Variants in UBE2QL1 observed in about 807,000 individuals in gnomAD.
UBE2QL1 encodes the protein ubiquitin-conjugating enzyme E2Q-like protein 1.
Under a neutral mutation model 12.6 loss-of-function variants are expected in UBE2QL1, and 5 were observed. The ratio of observed to expected loss-of-function variants is 0.40; its 90% CI spans 0.21 to 0.83. The LOEUF (loss-of-function observed/expected upper bound fraction) is 0.83, where lower values mean the gene tolerates loss of function less well. UBE2QL1 is among the 40% of genes least tolerant of loss of function. UBE2QL1 has a pLI of 0.37. For synonymous variants in UBE2QL1, 96 were observed against 94.5 expected (o/e 1.02, Z -0.10); for missense variants, 99 against 222.6 (o/e 0.44, Z 3.53).
intron 1 of UBE2QL1, among the ~76,000 whole-genome samples, chr5:6,464,307 C>T (rs547160012): frequency 6.6e-6 from 1 of 152,246 alleles, no homozygotes; most frequent in South Asian, 2.1e-4. Flanking sequence ...GCAGTAGGAA[C>T]AATGAAACTA....
chr5:6,455,079 G>T (rs949242837), intron 1 of UBE2QL1, among the ~76,000 whole-genome samples: 13 of 152,292 alleles, frequency 8.5e-5, no homozygotes, highest in African/African-American at 3.1e-4. Context: ...TTGAGAATCT[G>T]AACTTGCAGG....
intron 1 of UBE2QL1, among the ~76,000 whole-genome samples, chr5:6,467,773 C>A (rs1007018157): frequency 5.3e-5 from 8 of 152,126 alleles, no homozygotes; most frequent in Non-Finnish European, 1.2e-4. Context: ...CCTCTCCACC[C>A]GCGCCCCCCA....
intron 1 of UBE2QL1, among the ~76,000 whole-genome samples, chr5:6,458,799 G>T (rs1560928430): frequency 6.6e-6 from 1 of 152,216 alleles, no homozygotes; most frequent in Admixed American, 6.5e-5. Context: ...TAAATTAACT[G>T]TAACTAGTTG....
At chr5:6,456,626 G>C (rs1176604682) in intron 1 of UBE2QL1, among the ~76,000 whole-genome samples, 1 of 152,158 alleles carries the variant, frequency 6.6e-6, no homozygotes, top group Non-Finnish European at 1.5e-5. Flanking sequence ...GAGCACTGTA[G>C]TGACGTTGCC....
rs568058401 is a variant in UBE2QL1 at position 6,490,467 on chromosome 5, C to T, written c.355-751C>T. 2.0e-5 allele frequency among the ~76,000 whole-genome samples: 3 copies of T among 152,368 alleles called. No individual in the cohort carries two copies. The South Asian group carries it at 6.2e-4, about 32-fold the overall frequency. On this transcript the variant is annotated intron_variant, in intron 1 of 1. Coordinates refer to ENST00000399816, the MANE Select transcript of UBE2QL1 (RefSeq NM_001145161.3). ...GTGCTCTGTCCTTGGGAGCAGAACA[C>T]GCCTGGTCACTGTGAGGGAGCGTGG...
chr5:6,473,456 C>T (rs1466417114), intron 1 of UBE2QL1, among the ~76,000 whole-genome samples: 1 of 152,172 alleles, frequency 6.6e-6, no homozygotes, highest in Non-Finnish European at 1.5e-5. Context: ...CTGTCTCCAC[C>T]CGGAACACAC....
Position 6,491,209 on chromosome 5 carries a change from C to T in UBE2QL1, c.355-9C>T. On this transcript the variant is annotated splice_polypyrimidine_tract_variant and intron_variant, in intron 1 of 1. Coordinates refer to ENST00000399816, the MANE Select transcript of UBE2QL1 (RefSeq NM_001145161.3). ...GTTCTAACCTGGTTTTTCTTCTCATCTCACGCAGGGACGGATCTGTAGAAA... is the reference window on the plus strand; with the variant it reads ...GTTCTAACCTGGTTTTTCTTCTCATTTCACGCAGGGACGGATCTGTAGAAA... The T allele has an allele frequency of 6.5e-7, 1 of 1,531,582 alleles. No individual in the cohort carries two copies. The allele number at this position is 1,531,582 out of a possible 1,614,324, so 94.9% of individuals were successfully genotyped here.
chr5:6,472,083 G>A (rs1739923252), intron 1 of UBE2QL1, among the ~76,000 whole-genome samples: 1 of 152,176 alleles, frequency 6.6e-6, no homozygotes, highest in African/African-American at 2.4e-5. Flanking sequence ...CCCAACCAGT[G>A]CTGTCCTCTG....
intron 1 of UBE2QL1, among the ~76,000 whole-genome samples, chr5:6,484,971 C>T (rs1166336856): frequency 6.6e-6 from 1 of 152,042 alleles, no homozygotes; most frequent in Non-Finnish European, 1.5e-5. Context: ...CATTCCACAG[C>T]AGGGAGGCTC....
rs148793137 is a variant in UBE2QL1 at position 6,456,819 on chromosome 5, G to A, written c.354+7572G>A. ...AGGTGGCAGAGGATTGTGAGATGAG[G>A]GCAGGTGTGTCTGCAGAAGCCAGAA... On this transcript the variant is annotated intron_variant, in intron 1 of 1. Transcript: ENST00000399816. Among the ~76,000 whole-genome samples, 899 of 152,216 alleles carry A rather than the reference G, an allele frequency of 5.9e-3. 6 individuals are homozygous for A. The highest frequency in any genetic ancestry group is 0.02 in the African/African-American group (817 of 41,550).
intron 1 of UBE2QL1, among the ~76,000 whole-genome samples, chr5:6,471,111 T>C (rs1320557772): frequency 1.3e-5 from 2 of 152,240 alleles, no homozygotes; most frequent in Non-Finnish European, 2.9e-5. Flanking sequence ...GGGAATGGGT[T>C]TTGGCCACTT....
At chr5:6,470,191 T>C (rs1444810658) in intron 1 of UBE2QL1, among the ~76,000 whole-genome samples, 3 of 152,222 alleles carry the variant, frequency 2.0e-5, no homozygotes, top group Non-Finnish European at 4.4e-5. Flanking sequence ...CCCAGAGGGC[T>C]TGTGCCTTTG....
chr5:6,456,921 C>T (rs1303903067), intron 1 of UBE2QL1, among the ~76,000 whole-genome samples: 1 of 151,950 alleles, frequency 6.6e-6, no homozygotes, highest in Non-Finnish European at 1.5e-5. Context: ...CGAGCCTCTT[C>T]TATTCCTATT....
chr5:6,470,524 G>A (rs890700049), intron 1 of UBE2QL1, among the ~76,000 whole-genome samples: 3 of 151,616 alleles, frequency 2.0e-5, no homozygotes, highest in African/African-American at 2.4e-5. Flanking sequence ...GCACACACAC[G>A]TGTGCACACA....
intron 1 of UBE2QL1, among the ~76,000 whole-genome samples, chr5:6,490,010 T>C (rs1734539220): frequency 6.6e-6 from 1 of 152,232 alleles, no homozygotes; most frequent in African/African-American, 2.4e-5. Context: ...TTGGTAATTA[T>C]GCGCCTGCCA....
At chr5:6,487,752 G>T (rs953189114) in intron 1 of UBE2QL1, among the ~76,000 whole-genome samples, 12 of 152,238 alleles carry the variant, frequency 7.9e-5, no homozygotes, top group Non-Finnish European at 1.5e-4. Context: ...TCGTCATGAT[G>T]TGTGACATGG....
At chr5:6,455,067 C>T (rs1384243173) in intron 1 of UBE2QL1, among the ~76,000 whole-genome samples, 1 of 152,110 alleles carries the variant, frequency 6.6e-6, no homozygotes, top group Non-Finnish European at 1.5e-5. Context: ...CACCATGAGA[C>T]TTTGAGAATC....
intron 1 of UBE2QL1, among the ~76,000 whole-genome samples, chr5:6,489,223 A>G (rs1230809527): frequency 6.6e-6 from 1 of 152,084 alleles, no homozygotes; most frequent in East Asian, 1.9e-4. Context: ...CCAGGAGTCC[A>G]AGACCAGCCT....
At chr5:6,491,184 G>A (rs999934526) in intron 1 of UBE2QL1, 34 bp from the exon 2 acceptor site, 11 of 1,511,500 alleles carry the variant, frequency 7.3e-6, no homozygotes, top group African/African-American at 2.8e-5. Context: ...TCCCAGTGAC[G>A]TTCTAACCTG....
Sources: gnomAD v4.1 joint callset for allele counts (sites outside exome capture counted in the v4.1 genomes callset) on GRCh38, gnomAD v4.1.1 for gene constraint, MANE v1.5 for transcripts, NCBI Gene and HGNC (gene_info 2026-07-23, HGNC 2026-07-21) for gene names.